Variants in AP3B1 observed in about 807,000 individuals in gnomAD.
AP3B1 encodes the protein adaptor related protein complex 3 subunit beta 1, also known as AP-3 complex subunit beta-1.
A neutral mutation model predicts 132.5 loss-of-function variants in AP3B1; 61 were observed. That is an observed-to-expected ratio of 0.46 (90% CI 0.37 to 0.57). The LOEUF (loss-of-function observed/expected upper bound fraction) is 0.57. AP3B1 is among the 20% of genes least tolerant of loss of function. The pLI, the probability that AP3B1 is intolerant of heterozygous loss-of-function variation, is 0.00. For synonymous variants in AP3B1, 388 were observed against 438.3 expected (o/e 0.89, Z 1.43); for missense variants, 1,120 against 1,289.4 (o/e 0.87, Z 2.01).
chr5:78,050,767 G>A (rs1304868230), intron 22 of AP3B1, among the ~76,000 whole-genome samples: 2 of 152,038 alleles, frequency 1.3e-5, no homozygotes, highest in African/African-American at 2.4e-5. Context: ...CATTAGTTTT[G>A]ATTTAATTGT....
In AP3B1 at chr5:78,162,904, C is replaced by T. The variant is rs767974649; in HGVS notation, c.1278G>A (p.Gln426=). 2 of 1,613,984 alleles carry T rather than the reference C, an allele frequency of 1.2e-6. No individual in the cohort carries two copies. Among genetic ancestry groups the T allele is most frequent in the South Asian group, 2.2e-5 (2 of 91,078 alleles). ...TGTTGGTTGCACATCTGCCTATAGTCTGAATAGTGGCTGCTGCAAATTGTT... is the reference window on the plus strand; with the variant it reads ...TGTTGGTTGCACATCTGCCTATAGTTTGAATAGTGGCTGCTGCAAATTGTT... ...QDKQFAAATI[Q]TIGRCATNIL... The change falls in exon 13 of 27, where the codon CAG becomes CAA. Residue 426 remains glutamine, a synonymous_variant. Coordinates refer to ENST00000255194, the MANE Select transcript of AP3B1 (RefSeq NM_003664.5).
rs111696684 is a variant in AP3B1, at chr5:78,135,626, T to C, written c.1650+5517A>G. ...TAGATATACACATATGTATTTATGC[T>C]ATTATGTACTTTTCCATAGGTTTGC... On this transcript the variant is annotated intron_variant, in intron 15 of 26. Transcript: ENST00000255194. 4.2e-3 allele frequency among the ~76,000 whole-genome samples: 641 copies of C among 152,310 alleles called. 3 individuals carry two copies. Among genetic ancestry groups the C allele is most frequent in the Middle Eastern group, 0.02 (6 of 294 alleles).
chr5:78,144,844 G>GTTGTTGTTTTTT (rs5868906), intron 14 of AP3B1, among the ~76,000 whole-genome samples: 16 of 152,022 alleles, frequency 1.1e-4, no homozygotes, highest in South Asian at 2.1e-4. Context: ...TGTTGTTGTT[G>GTTGTTGTTTTTT]TTTTTTAAAG....
chr5:78,195,078 A>T (rs1288976399), intron 7 of AP3B1, among the ~76,000 whole-genome samples: 2 of 151,664 alleles, frequency 1.3e-5, no homozygotes, highest in East Asian at 1.9e-4. Flanking sequence ...AAAAAAAAAA[A>T]TTTAAAAAAA....
chr5:78,279,243 T>C (rs967783813), intron 1 of AP3B1, among the ~76,000 whole-genome samples: 3 of 152,188 alleles, frequency 2.0e-5, no homozygotes, highest in African/African-American at 7.2e-5. Context: ...TCCACATCAT[T>C]GACTAACTCA....
In AP3B1 at chr5:78,242,792, A is replaced by G. The variant is rs79758228; in HGVS notation, c.205-1856T>C. ...TTCTATTTATTTTAGTTTTATATCT[A>G]TCTGTATTCCCATTTTGTCTTTCTC... On this transcript the variant is annotated intron_variant, in intron 2 of 26. Transcript: ENST00000255194. 8.7e-3 allele frequency among the ~76,000 whole-genome samples: 1,329 copies of G among 152,262 alleles called. 18 individuals are homozygous for G. The highest frequency in any genetic ancestry group is 0.03 in the African/African-American group (1,264 of 41,560).
intron 22 of AP3B1, chr5:78,042,910 C>T (rs1383194370): frequency 5.5e-6 from 1 of 180,518 alleles, no homozygotes; most frequent in Non-Finnish European, 1.2e-5. Context: ...AAATGGTCTT[C>T]CTAGTCACTG....
chr5:78,045,816 G>T (rs1415760505), intron 22 of AP3B1, among the ~76,000 whole-genome samples: 2 of 152,148 alleles, frequency 1.3e-5, no homozygotes, highest in South Asian at 2.1e-4. Context: ...GAAAATGAGG[G>T]TTTAAGAAAA....
intron 22 of AP3B1, among the ~76,000 whole-genome samples, chr5:78,066,304 C>G (rs887830301): frequency 3.3e-5 from 5 of 152,304 alleles, no homozygotes; most frequent in African/African-American, 1.2e-4. Flanking sequence ...CAGAACTGGG[C>G]TGAGGCTGAG....
At chr5:78,291,484 A>AAATTAACATC (rs1424319941) in intron 1 of AP3B1, among the ~76,000 whole-genome samples, 1 of 151,820 alleles carries the variant, frequency 6.6e-6, no homozygotes, top group East Asian at 1.9e-4. Context: ...GTGACTAGGA[A>AAATTAACATC]AATTAACATC....
intron 19 of AP3B1, among the ~76,000 whole-genome samples, chr5:78,112,100 T>TA (rs1204183368): frequency 1.3e-5 from 2 of 152,102 alleles, no homozygotes; most frequent in Admixed American, 6.5e-5. Context: ...TTAGGAGCTT[T>TA]AAAAAATTAT....
intron 22 of AP3B1, chr5:78,088,953 A>T (rs1750383843): frequency 6.2e-6 from 1 of 161,778 alleles, no homozygotes; most frequent in Admixed American, 6.0e-5. Context: ...AAATGTACAA[A>T]AATAAGACAG....
chr5:78,218,757 A>G (rs1454840769), intron 6 of AP3B1, among the ~76,000 whole-genome samples: 1 of 152,158 alleles, frequency 6.6e-6, no homozygotes, highest in South Asian at 2.1e-4. Context: ...GTGCTGGGTC[A>G]TCACAAGAAG....
At chr5:78,255,446 T>C (rs1377555994) in intron 2 of AP3B1, among the ~76,000 whole-genome samples, 1 of 126,816 alleles carries the variant, frequency 7.9e-6, no homozygotes, top group Non-Finnish European at 1.7e-5. Context: ...CAGGAGTTGC[T>C]ATACAATACC....
chr5:78,191,103 A>T (rs535525758), intron 7 of AP3B1, among the ~76,000 whole-genome samples: 3 of 152,202 alleles, frequency 2.0e-5, no homozygotes, highest in Non-Finnish European at 4.4e-5. Flanking sequence ...TTTTTAACTA[A>T]GCCTTTAGAG....
intron 26 of AP3B1, among the ~76,000 whole-genome samples, chr5:78,008,397 G>A (rs1746484354): frequency 6.6e-6 from 1 of 152,178 alleles, no homozygotes; most frequent in Admixed American, 6.5e-5. Context: ...AATAGAGAAT[G>A]TTTTAAAGTA....
At chr5:78,132,429 A>C (rs55654862) in intron 15 of AP3B1, among the ~76,000 whole-genome samples, 1 of 152,086 alleles carries the variant, frequency 6.6e-6, no homozygotes, top group Non-Finnish European at 1.5e-5. Context: ...TTGAATGAAA[A>C]AAGTCTATTT....
intron 2 of AP3B1, among the ~76,000 whole-genome samples, chr5:78,262,081 T>C (rs1444058128): frequency 1.3e-5 from 2 of 152,210 alleles, no homozygotes; most frequent in African/African-American, 4.8e-5. Flanking sequence ...TTGGTAGGTT[T>C]TTAATGGTTG....
chr5:78,242,654 C>A (rs1416640073), intron 2 of AP3B1, among the ~76,000 whole-genome samples: 2 of 151,970 alleles, frequency 1.3e-5, no homozygotes, highest in African/African-American at 2.4e-5. Flanking sequence ...TGATCCACCC[C>A]CCTCGGCCTC....
Sources: gnomAD v4.1 joint callset for allele counts (sites outside exome capture counted in the v4.1 genomes callset) on GRCh38, gnomAD v4.1.1 for gene constraint, MANE v1.5 for transcripts, NCBI Gene and HGNC (gene_info 2026-07-23, HGNC 2026-07-21) for gene names.